Variants in VPS13C observed in about 807,000 individuals in gnomAD.
VPS13C encodes the protein vacuolar protein sorting 13 homolog C, also known as intermembrane lipid transfer protein VPS13C.
A neutral mutation model predicts 456.8 loss-of-function variants in VPS13C; 358 were observed. The ratio of observed to expected loss-of-function variants is 0.78; its 90% CI spans 0.72 to 0.86. The LOEUF is 0.86. Ranked by LOEUF, VPS13C falls within the 40% of genes least tolerant of loss-of-function variation. The pLI is 0.00. For missense variants in VPS13C, 4,818 were observed against 4,385.4 expected, an observed-to-expected ratio of 1.10 and a Z score of -2.79; for synonymous variants, 1,578 against 1,486.7, an observed-to-expected ratio of 1.06 and a Z score of -1.41.
At chr15:61,917,679 C>A (rs1394148214) in intron 59 of VPS13C, 44 bp from the exon 60 acceptor site, 2 of 1,565,234 alleles carry the variant, frequency 1.3e-6, no homozygotes, top group Admixed American at 1.9e-5. Flanking sequence ...TGATCCACAA[C>A]TTAAAAAAAA....
chr15:62,014,486 T>C (rs979908588), intron 9 of VPS13C, among the ~76,000 whole-genome samples: 1 of 152,064 alleles, frequency 6.6e-6, no homozygotes, highest in African/African-American at 2.4e-5. Context: ...AGTGGAGTAG[T>C]AGAGTGAGAG....
At chr15:61,873,518 A>G (rs1434620291) in intron 77 of VPS13C, 109 bp from the exon 78 acceptor site, 1 of 1,103,206 alleles carries the variant, frequency 9.1e-7, no homozygotes, top group African/African-American at 1.6e-5. Context: ...GATCTGAATA[A>G]ATATTTCTGA....
intron 16 of VPS13C, among the ~76,000 whole-genome samples, chr15:61,992,729 G>T (rs1257439158): frequency 6.6e-6 from 1 of 152,036 alleles, no homozygotes; most frequent in South Asian, 2.1e-4. Context: ...AGCTACTGTG[G>T]ATACCACAGC....
intron 66 of VPS13C, among the ~76,000 whole-genome samples, chr15:61,905,786 T>G (rs1162646787): frequency 6.6e-6 from 1 of 152,160 alleles, no homozygotes; most frequent in African/African-American, 2.4e-5. Context: ...ATATAATCTT[T>G]GTCATTTCTC....
At chr15:62,026,421 A>C (rs2047641112) in intron 6 of VPS13C, among the ~76,000 whole-genome samples, 1 of 152,072 alleles carries the variant, frequency 6.6e-6, no homozygotes, top group South Asian at 2.1e-4. Flanking sequence ...TCATCAGAAA[A>C]GTCTTAAAGT....
At chr15:61,875,629 T>C (rs1895361791) in intron 76 of VPS13C, 103 bp downstream of exon 76, 3 of 784,286 alleles carry the variant, frequency 3.8e-6, no homozygotes, top group Non-Finnish European at 6.3e-6. Flanking sequence ...TTGAACATTA[T>C]TCAATTCCAA....
Position 61,984,889 on chromosome 15 carries a change from T to C in VPS13C, c.1689A>G (p.Gln563=), listed in dbSNP as rs1488820473. ...LKIQIIGLGT[Q]VSQRPGAQAL... ...CTTGTGCTCCTGGTCGCTGAGATAC[T>C]TGAGTGCCCAGGCCAATTATCTGAA... The change falls in exon 19 of 85, where the codon CAA becomes CAG. Residue 563 remains glutamine (Q), a synonymous_variant. Transcript: ENST00000644861. 3 of 1,613,290 alleles carry C rather than the reference T, an allele frequency of 1.9e-6. No individual in the cohort carries two copies. The highest frequency in any genetic ancestry group is 1.7e-6 in the Non-Finnish European group (2 of 1,179,796).
intron 61 of VPS13C, among the ~76,000 whole-genome samples, chr15:61,913,960 A>G (rs2140155601): frequency 6.6e-6 from 1 of 152,268 alleles, no homozygotes; most frequent in Admixed American, 6.5e-5. Context: ...AGAACCATAC[A>G]AGAGGCAAAA....
At chr15:62,056,872 G>A (rs1039131750) in intron 1 of VPS13C, among the ~76,000 whole-genome samples, 3 of 152,182 alleles carry the variant, frequency 2.0e-5, no homozygotes, top group African/African-American at 7.2e-5. Flanking sequence ...TGCCAGGCAG[G>A]GAAGGGCCCC....
chr15:61,975,963 T>C (rs2045690543), intron 24 of VPS13C, among the ~76,000 whole-genome samples: 1 of 152,080 alleles, frequency 6.6e-6, no homozygotes, highest in African/African-American at 2.4e-5. Flanking sequence ...ATCCTGCAGA[T>C]AGGACCCAAG....
rs372160182 is a variant in VPS13C at position 61,882,706 on chromosome 15, G to A, written c.9514C>T (p.Arg3172Cys). ...TTAATAGGGCTACGAATAGGGAGGCGCATTTCCATTGGATCTTTATCAAAA... is the reference window on the plus strand; with the variant it reads ...TTAATAGGGCTACGAATAGGGAGGCACATTTCCATTGGATCTTTATCAAAA... ...VNFDKDPMEM[R>C]LPIRSPIKRD... Residue 3172 changes from arginine to cysteine, a missense_variant, in exon 69 of 85, where the codon CGC (arginine) becomes TGC (cysteine). Arg to Cys is a radical substitution (Grantham distance 180). Around this residue, in one of 3 missense-constraint regions of VPS13C, gnomAD observed 4,552 missense variants for 4,130.6 expected, o/e 1.10. Transcript: ENST00000644861. 21 of 1,588,406 alleles carry A rather than the reference G, an allele frequency of 1.3e-5. No individual in the cohort carries two copies. The highest frequency in any genetic ancestry group is 8.1e-5 in the African/African-American group (6 of 73,776).
At chr15:61,946,897 G>A (rs113130660) in intron 43 of VPS13C, among the ~76,000 whole-genome samples, 152 of 152,168 alleles carry the variant, frequency 1.0e-3, no homozygotes, top group African/African-American at 3.0e-3. Flanking sequence ...TTAGGAAACA[G>A]TCTTCTAAGA....
At chr15:61,997,457 A>C (rs567383926) in intron 16 of VPS13C, among the ~76,000 whole-genome samples, 584 of 152,272 alleles carry the variant, frequency 3.8e-3, no homozygotes, top group Non-Finnish European at 5.9e-3. Context: ...TATCCAGCAC[A>C]GACTCCTCTT....
At chr15:61,948,027 C>G (rs796748314) in intron 42 of VPS13C, among the ~76,000 whole-genome samples, 1 of 152,216 alleles carries the variant, frequency 6.6e-6, no homozygotes, top group African/African-American at 2.4e-5. Flanking sequence ...GGAAATAGAG[C>G]CTTCTGATTG....
At chr15:61,919,551 A>G (rs1478017002) in intron 57 of VPS13C, 102 bp from the exon 58 acceptor site, 4 of 1,155,920 alleles carry the variant, frequency 3.5e-6, no homozygotes, top group Non-Finnish European at 3.4e-6. Flanking sequence ...ATTTTTCCTC[A>G]TCACTAGAAA....
intron 18 of VPS13C, among the ~76,000 whole-genome samples, chr15:61,990,214 T>C (rs1368453475): frequency 6.6e-6 from 1 of 151,868 alleles, no homozygotes; most frequent in Non-Finnish European, 1.5e-5. Context: ...CAAAAAGAAA[T>C]AAAAGATATG....
At chr15:62,021,157 A>G (rs956328905) in intron 8 of VPS13C, among the ~76,000 whole-genome samples, 8 of 152,054 alleles carry the variant, frequency 5.3e-5, no homozygotes, top group African/African-American at 1.9e-4. Context: ...GTGGGTGAGA[A>G]GTAGGTGTAA....
intron 24 of VPS13C, among the ~76,000 whole-genome samples, chr15:61,975,035 T>C (rs1345988695): frequency 2.0e-5 from 3 of 152,138 alleles, no homozygotes; most frequent in African/African-American, 7.2e-5. Flanking sequence ...TCTTTCTAGC[T>C]GTTGTTGTTT....
At position 61,897,007 on chromosome 15, in the gene VPS13C, G is replaced by A. The variant is rs903913917; in HGVS notation, c.9106-6607C>T. The stretch of plus-strand genomic sequence containing the variant: ...ACAGGGGCACAGTGACACCTCACAC[G>A]GCAGGGTACTCCAACAGACCTGCAG... On this transcript the variant is annotated intron_variant, in intron 66 of 84. Transcript: ENST00000644861. 8.0e-5 allele frequency among the ~76,000 whole-genome samples: 12 copies of A among 150,770 alleles called. No homozygotes were observed. The East Asian group carries it at 9.9e-4, about 12-fold the overall frequency.
Sources: allele counts gnomAD v4.1 joint callset (sites outside exome capture counted in the v4.1 genomes callset), GRCh38; gene constraint gnomAD v4.1.1; regional missense constraint gnomAD v4.1.1; transcripts MANE v1.5; gene names NCBI Gene and HGNC (gene_info 2026-07-23, HGNC 2026-07-21).